CAMK2B: variants seen among roughly 807,000 people sequenced by gnomAD.
The protein encoded by CAMK2B is calcium/calmodulin dependent protein kinase II beta.
Under a neutral mutation model 93.7 loss-of-function variants are expected in CAMK2B, and 27 were observed. That is an observed-to-expected ratio of 0.29 (90% CI 0.21 to 0.40). The LOEUF (loss-of-function observed/expected upper bound fraction) is 0.40. CAMK2B is among the 10% of genes least tolerant of loss of function. The probability of loss-of-function intolerance (pLI) is 1.00; values close to 1 mark genes in which losing one functional copy is unlikely to be tolerated. For missense variants in CAMK2B, 568 were observed against 895.8 expected (o/e 0.63, Z 4.67); for synonymous variants, 374 against 358.8 (o/e 1.04, Z -0.48).
chr7:44,241,573 C>T (rs2096679042), intron 11 of CAMK2B, 127 bp downstream of exon 11: 2 of 725,398 alleles, frequency 2.8e-6, no homozygotes, highest in Non-Finnish European at 2.4e-6. Flanking sequence ...CTGGGACTTG[C>T]TAACAGTCAG....
intron 1 of CAMK2B, among the ~76,000 whole-genome samples, chr7:44,297,909 A>C (rs779538918): frequency 6.6e-6 from 1 of 152,222 alleles, no homozygotes; most frequent in Non-Finnish European, 1.5e-5. Flanking sequence ...GGGTCACTTG[A>C]GGTCAGGAGT....
intron 1 of CAMK2B, among the ~76,000 whole-genome samples, chr7:44,313,211 G>A (rs1450318626): frequency 2.6e-5 from 4 of 152,070 alleles, no homozygotes; most frequent in South Asian, 2.1e-4. Flanking sequence ...CCCTCGCTCC[G>A]TCCCATTCCC....
intron 4 of CAMK2B, among the ~76,000 whole-genome samples, chr7:44,256,021 G>A (rs2096830525): frequency 6.6e-6 from 1 of 152,152 alleles, no homozygotes. Flanking sequence ...TGGGGGCAGG[G>A]GCTCTGCCTC....
intron 6 of CAMK2B, chr7:44,244,875 C>T (rs965069787): frequency 2.2e-6 from 1 of 453,060 alleles, no homozygotes; most frequent in African/African-American, 2.0e-5. Flanking sequence ...TTCTGTCCCC[C>T]ACCTCCACCT....
In CAMK2B at chr7:44,254,522, C is replaced by T. The variant is rs768582618; in HGVS notation, c.341+20G>A. On this transcript the variant is annotated intron_variant, in intron 5 of 23. Transcript: ENST00000395749. ...GTATAAAGGAAGAGGGACAGGACAG[C>T]GTGAGGGCTCTGCACCCACCTGGCA... 6.9e-6 allele frequency: 11 copies of T among 1,587,698 alleles called. No individual in the cohort carries two copies. Among genetic ancestry groups the T allele is most frequent in the African/African-American group, 2.7e-5 (2 of 74,386 alleles).
intron 17 of CAMK2B, chr7:44,229,742 C>G (rs1583889370): frequency 2.3e-6 from 1 of 441,678 alleles, no homozygotes; most frequent in East Asian, 3.7e-5. Flanking sequence ...CCAGCAGAGG[C>G]CAGGGCAGCA....
intron 17 of CAMK2B, among the ~76,000 whole-genome samples, chr7:44,230,562 G>A (rs1199468676): frequency 1.3e-5 from 2 of 152,218 alleles, no homozygotes; most frequent in African/African-American, 4.8e-5. Flanking sequence ...ACCGCAGCAG[G>A]ACACTCCTGG....
chr7:44,255,652 C>T (rs1274448660), intron 4 of CAMK2B, among the ~76,000 whole-genome samples: 2 of 152,164 alleles, frequency 1.3e-5, no homozygotes, highest in African/African-American at 2.4e-5. Flanking sequence ...GGCAGTTTTC[C>T]CCATTGGTTC....
At chr7:44,289,450 T>G (rs1584656072) in intron 1 of CAMK2B, among the ~76,000 whole-genome samples, 2 of 152,322 alleles carry the variant, frequency 1.3e-5, no homozygotes, top group African/African-American at 4.8e-5. Flanking sequence ...TGGTGAAGAC[T>G]GGGGGTTACC....
Position 44,220,212 on chromosome 7 carries a change from G to C in CAMK2B, c.1851C>G (p.Ile617Met). ...VHVIGEDAAC[I>M]AYIRLTQYID... ...TGTACTGCGTGAGCCGGATGTAAGC[G>C]ATGCAGGCGGCATCCTCTCCAATGA... Residue 617 changes from isoleucine to methionine, a missense_variant, in exon 23 of 24, where the codon ATC becomes ATG. Physicochemically the swap from Ile to Met is conservative, Grantham distance 10. Coordinates refer to ENST00000395749, the MANE Select transcript of CAMK2B (RefSeq NM_001220.5). 1.2e-6 allele frequency: 2 copies of C among 1,613,368 alleles called. No individual in the cohort carries two copies. The highest frequency in any genetic ancestry group is 1.7e-6 in the Non-Finnish European group (2 of 1,180,030).
chr7:44,285,928 T>G (rs1006605393), intron 1 of CAMK2B, among the ~76,000 whole-genome samples: 1 of 151,724 alleles, frequency 6.6e-6, no homozygotes, highest in Non-Finnish European at 1.5e-5. Flanking sequence ...CGCATTCTCT[T>G]GCTCTGCTTG....
At chr7:44,246,188 G>A (rs149585301) in intron 6 of CAMK2B, among the ~76,000 whole-genome samples, 63 of 152,198 alleles carry the variant, frequency 4.1e-4, no homozygotes, top group East Asian at 2.1e-3. Flanking sequence ...TGCTCCCAGC[G>A]GCGTCAGCCC....
chr7:44,231,143 TCAGGA>T, intron 16 of CAMK2B, 89 bp from the exon 17 acceptor site: 1 of 796,108 alleles, frequency 1.3e-6, no homozygotes. Flanking sequence ...TGGGCCTGTG[TCAGGA>T]CCAGCCCAGG....
At chr7:44,226,023 C>A in intron 20 of CAMK2B, 1 of 816,186 alleles carries the variant, frequency 1.2e-6, no homozygotes, top group South Asian at 1.7e-5. Context: ...CCCCAGCTGC[C>A]CCCCAGATCC....
In CAMK2B at chr7:44,253,587, G is replaced by A. The variant is rs138756400; in HGVS notation, c.341+955C>T. ...ATTTCACCACCTAGCGAGGTCCTCC[G>A]TTAGCCTTATTTATGTATTTATTTT... On this transcript the variant is annotated intron_variant, in intron 5 of 23. Coordinates refer to ENST00000395749, the MANE Select transcript of CAMK2B (RefSeq NM_001220.5). 2.3e-4 allele frequency among the ~76,000 whole-genome samples: 35 copies of A among 151,728 alleles called. No individual in the cohort carries two copies. The East Asian group carries it at 6.5e-3, about 28-fold the overall frequency.
chr7:44,231,086 T>C, intron 16 of CAMK2B, 32 bp from the exon 17 acceptor site: 1 of 1,466,118 alleles, frequency 6.8e-7, no homozygotes, highest in Non-Finnish European at 9.1e-7. Flanking sequence ...CGGGTCAGGA[T>C]GCGGCCAAGG....
chr7:44,247,262 G>C (rs1161932266), intron 5 of CAMK2B, 70 bp from the exon 6 acceptor site: 1 of 1,296,968 alleles, frequency 7.7e-7, no homozygotes, highest in East Asian at 2.4e-5. Flanking sequence ...CTGGGGGCAG[G>C]GGCAATGGTG....
At chr7:44,232,681 G>C in intron 16 of CAMK2B, 141 bp downstream of exon 16, 1 of 780,614 alleles carries the variant, frequency 1.3e-6, no homozygotes, top group Non-Finnish European at 2.2e-6. Flanking sequence ...AGACGGACTG[G>C]GGCCCTACCG....
intron 1 of CAMK2B, among the ~76,000 whole-genome samples, chr7:44,322,520 A>AT (rs1466628827): frequency 1.3e-5 from 2 of 152,242 alleles, no homozygotes; most frequent in East Asian, 3.8e-4. Context: ...TTTATCCAAT[A>AT]TAAAAAAAAT....
Sources: gnomAD v4.1 joint callset for allele counts (sites outside exome capture counted in the v4.1 genomes callset) on GRCh38, gnomAD v4.1.1 for gene constraint, MANE v1.5 for transcripts, NCBI Gene and HGNC (gene_info 2026-07-23, HGNC 2026-07-21) for gene names.